Variants in TSPAN15 observed in about 807,000 individuals in gnomAD.
TSPAN15 encodes the protein tetraspanin-15.
A neutral mutation model predicts 34.5 loss-of-function variants in TSPAN15; 20 were observed. The ratio of observed to expected loss-of-function variants is 0.58; its 90% CI spans 0.41 to 0.84. TSPAN15 has a LOEUF of 0.84. Among genes scored for constraint, TSPAN15 ranks in the 40% least tolerant of loss-of-function variants. The pLI, the probability that TSPAN15 is intolerant of heterozygous loss-of-function variation, is 0.00. For synonymous variants in TSPAN15, 155 were observed against 153.9 expected (o/e 1.01, Z -0.05); for missense variants, 313 against 386.1 (o/e 0.81, Z 1.59).
chr10:69,490,675 C>T (rs914915147), intron 3 of TSPAN15, among the ~76,000 whole-genome samples: 17 of 152,204 alleles, frequency 1.1e-4, no homozygotes, highest in East Asian at 1.9e-4. Flanking sequence ...GAGCCATGAT[C>T]GTGCTACTGC....
chr10:69,538,441 C>T, the TSPAN15 span, among the ~76,000 whole-genome samples: 1 of 152,156 alleles, frequency 6.6e-6, no homozygotes, highest in South Asian at 2.1e-4. Flanking sequence ...GGTTTTAGGC[C>T]CAGGCTCTGG....
chr10:69,472,780 A>T (rs1210373728), intron 1 of TSPAN15, among the ~76,000 whole-genome samples: 2 of 152,116 alleles, frequency 1.3e-5, no homozygotes, highest in African/African-American at 4.8e-5. Context: ...TGGCTTCAGG[A>T]TATTGTGGTT....
At chr10:69,513,542 C>G in the TSPAN15 span, among the ~76,000 whole-genome samples, 19 of 152,104 alleles carry the variant, frequency 1.2e-4, no homozygotes, top group Non-Finnish European at 2.5e-4. Flanking sequence ...ATGGTGTTTT[C>G]CAAAAAGCAG....
chr10:69,472,542 A>C (rs1841528986), intron 1 of TSPAN15, among the ~76,000 whole-genome samples: 1 of 152,100 alleles, frequency 6.6e-6, no homozygotes, highest in Non-Finnish European at 1.5e-5. Flanking sequence ...GGTACATAAG[A>C]GGTGCTTAGT....
chr10:69,501,669 A>G (rs1490611752), intron 5 of TSPAN15, among the ~76,000 whole-genome samples: 1 of 152,226 alleles, frequency 6.6e-6, no homozygotes, highest in African/African-American at 2.4e-5. Flanking sequence ...GACTCACTGA[A>G]AAGGAGCTGA....
exon 8 of TSPAN15, chr10:69,507,651 G>GTTTT (rs398014021): frequency 7.3e-5 from 74 of 1,011,818 alleles, no homozygotes; most frequent in East Asian, 4.1e-4. Flanking sequence ...ATAAAAACAT[G>GTTTT]TTTTTTTTTT....
chr10:69,545,483 G>T, the TSPAN15 span, among the ~76,000 whole-genome samples: 1 of 152,158 alleles, frequency 6.6e-6, no homozygotes, highest in African/African-American at 2.4e-5. Flanking sequence ...CTGAGGGGAA[G>T]GGCTAAGGTG....
chr10:69,513,383 C>G, the TSPAN15 span, among the ~76,000 whole-genome samples: 2 of 152,102 alleles, frequency 1.3e-5, no homozygotes, highest in Non-Finnish European at 2.9e-5. Flanking sequence ...CTCTCTCTTT[C>G]CTTCATGTAG....
At chr10:69,524,067 TATCTC>T in the TSPAN15 span, among the ~76,000 whole-genome samples, 1 of 148,244 alleles carries the variant, frequency 6.7e-6, no homozygotes, top group African/African-American at 2.5e-5. Flanking sequence ...AAAAAAGAAT[TATCTC>T]AGAATATAAG....
intron 1 of TSPAN15, 107 bp downstream of exon 1, chr10:69,451,797 C>A: frequency 1.2e-6 from 1 of 861,080 alleles, no homozygotes; most frequent in Non-Finnish European, 1.6e-6. Flanking sequence ...AGGGAGTGCG[C>A]GGGTGAGCGC....
At chr10:69,466,438 A>G (rs1461190029) in intron 1 of TSPAN15, among the ~76,000 whole-genome samples, 1 of 152,214 alleles carries the variant, frequency 6.6e-6, no homozygotes, top group Non-Finnish European at 1.5e-5. Context: ...ATGGGGGAAC[A>G]TTTAAACATT....
the TSPAN15 span, among the ~76,000 whole-genome samples, chr10:69,529,595 C>T: frequency 2.0e-5 from 3 of 147,746 alleles, no homozygotes; most frequent in Non-Finnish European, 4.5e-5. Flanking sequence ...CACATAAAGA[C>T]CAAAACAATG....
At chr10:69,504,751 G>A (rs987325920) in intron 6 of TSPAN15, among the ~76,000 whole-genome samples, 2 of 152,158 alleles carry the variant, frequency 1.3e-5, no homozygotes, top group African/African-American at 4.8e-5. Context: ...CCACCACGGC[G>A]CTTCCTGGTA....
chr10:69,538,386 A>G, the TSPAN15 span, among the ~76,000 whole-genome samples: 1 of 152,194 alleles, frequency 6.6e-6, no homozygotes, highest in Non-Finnish European at 1.5e-5. Context: ...TCTGATATAC[A>G]AAGGGCTGAC....
the TSPAN15 span, among the ~76,000 whole-genome samples, chr10:69,516,784 G>A: frequency 6.6e-6 from 1 of 152,116 alleles, no homozygotes; most frequent in Non-Finnish European, 1.5e-5. Context: ...TTTTTGTATG[G>A]TCAGTCTCCC....
chr10:69,535,036 C>T, the TSPAN15 span, among the ~76,000 whole-genome samples: 66 of 151,980 alleles, frequency 4.3e-4, no homozygotes, highest in African/African-American at 1.5e-3. Flanking sequence ...TGGAAAACCC[C>T]GTATGAACTG....
At chr10:69,533,489 A>G in the TSPAN15 span, among the ~76,000 whole-genome samples, 2 of 152,304 alleles carry the variant, frequency 1.3e-5, no homozygotes, top group South Asian at 2.1e-4. Context: ...CATAAGAATG[A>G]TACAATGGAC....
chr10:69,461,911 A>AC lies in TSPAN15; in HGVS notation c.96+10228dup, dbSNP rs796995340. On this transcript the variant is annotated intron_variant, in intron 1 of 7. Coordinates refer to ENST00000373290, the MANE Select transcript of TSPAN15 (RefSeq NM_012339.5). ...GATTTCACAAGAACACATGTCCACC[A>AC]CCCCCCCGCCACCACCCCCCCCATC... Among the ~76,000 whole-genome samples, 187 of 121,714 alleles carry AC rather than the reference A, an allele frequency of 1.5e-3. 1 individual carries two copies. The highest frequency in any genetic ancestry group is 5.5e-3 in the African/African-American group (173 of 31,286). 79.8% of individuals were successfully genotyped at this position (121,714 alleles called of 152,430 possible).
chr10:69,453,334 G>A (rs1369342153), intron 1 of TSPAN15, among the ~76,000 whole-genome samples: 1 of 152,112 alleles, frequency 6.6e-6, no homozygotes, highest in Non-Finnish European at 1.5e-5. Context: ...TAGAATTAAG[G>A]TAATTCTAGT....
Sources: allele counts gnomAD v4.1 joint callset (sites outside exome capture counted in the v4.1 genomes callset), GRCh38; gene constraint gnomAD v4.1.1; transcripts MANE v1.5; gene names NCBI Gene and HGNC (gene_info 2026-07-23, HGNC 2026-07-21).